The following ATP9B variants were observed in gnomAD, a reference collection of about 807,000 sequenced individuals.
ATP9B encodes probable phospholipid-transporting ATPase IIB.
Under a neutral mutation model 146.1 loss-of-function variants are expected in ATP9B, and 110 were observed. The ratio of observed to expected loss-of-function variants is 0.75; its 90% CI spans 0.65 to 0.88. ATP9B has a LOEUF of 0.88. Among genes scored for constraint, ATP9B ranks in the 40% least tolerant of loss-of-function variants. ATP9B has a pLI of 0.00. For synonymous variants in ATP9B, 604 were observed against 569.7 expected (o/e 1.06, Z -0.86); for missense variants, 1,499 against 1,496.4 (o/e 1.00, Z -0.03).
chr18:79,084,621 G>A (rs949477116), intron 1 of ATP9B, among the ~76,000 whole-genome samples: 8 of 152,010 alleles, frequency 5.3e-5, no homozygotes, highest in Admixed American at 3.3e-4. Flanking sequence ...CCACATTGGC[G>A]GTTGAAAACT....
intron 15 of ATP9B, among the ~76,000 whole-genome samples, chr18:79,320,973 A>T (rs2096712560): frequency 6.6e-6 from 1 of 152,210 alleles, no homozygotes; most frequent in South Asian, 2.1e-4. Flanking sequence ...TCTCTCAAAC[A>T]TCTTTAGGAA....
At chr18:79,306,576 G>A (rs1201377096) in intron 14 of ATP9B, among the ~76,000 whole-genome samples, 1 of 152,170 alleles carries the variant, frequency 6.6e-6, no homozygotes, top group Non-Finnish European at 1.5e-5. Context: ...CCTGCTTTTA[G>A]CTTTGTACAA....
At chr18:79,103,883 G>A (rs1226794494) in intron 2 of ATP9B, among the ~76,000 whole-genome samples, 1 of 152,056 alleles carries the variant, frequency 6.6e-6, no homozygotes, top group Admixed American at 6.5e-5. Flanking sequence ...GTTTGTAGGG[G>A]CAGAGAGTTG....
chr18:79,320,792 ACT>A (rs1286583447), intron 15 of ATP9B, among the ~76,000 whole-genome samples: 9 of 98,896 alleles, frequency 9.1e-5, no homozygotes, highest in East Asian at 1.7e-3. Context: ...ATACTAGGAA[ACT>A]CCGGGATGCT....
intron 7 of ATP9B, among the ~76,000 whole-genome samples, chr18:79,161,484 A>G (rs1281734650): frequency 6.6e-6 from 1 of 152,026 alleles, no homozygotes; most frequent in Non-Finnish European, 1.5e-5. Context: ...CTATGCTTCT[A>G]TTTTCATCCT....
In ATP9B at chr18:79,307,022, A is replaced by G. The variant is rs1366745205; in HGVS notation, c.1561A>G (p.Thr521Ala). Residue 521 changes from threonine (T) to alanine (A), a missense_variant, in exon 15 of 30, where the codon ACT becomes GCT. Transcript: ENST00000426216. ...SQAGGNNTGS[T>A]PLRKAQSSAP... is the part of the protein sequence containing the mutation. ...AGCTGGTGGAAACAATACTGGTTCA[A>G]CTCCACTAAGAAAAGCCCAATCTTC... The G allele has an allele frequency of 6.2e-7, 1 of 1,614,198 alleles. No individual in the cohort carries two copies.
chr18:79,345,368 C>A, intron 21 of ATP9B, 60 bp from the exon 22 acceptor site: 1 of 1,588,210 alleles, frequency 6.3e-7, no homozygotes, highest in Non-Finnish European at 8.6e-7. Flanking sequence ...TTCTACATTA[C>A]ACAAATCTGG....
At chr18:79,244,306 G>C (rs1027517309) in intron 11 of ATP9B, among the ~76,000 whole-genome samples, 1 of 152,076 alleles carries the variant, frequency 6.6e-6, no homozygotes, top group Non-Finnish European at 1.5e-5. Flanking sequence ...GGAAAGGAAT[G>C]GTCCCATCTA....
intron 8 of ATP9B, among the ~76,000 whole-genome samples, chr18:79,184,960 C>G (rs572935827): frequency 2.7e-5 from 4 of 146,420 alleles, no homozygotes; most frequent in African/African-American, 1.1e-4. Context: ...AATCAAAACA[C>G]TATATTAGAA....
At chr18:79,152,395 G>A (rs1337484705) in intron 6 of ATP9B, among the ~76,000 whole-genome samples, 1 of 152,108 alleles carries the variant, frequency 6.6e-6, no homozygotes, top group Non-Finnish European at 1.5e-5. Flanking sequence ...CAGTTTGTGG[G>A]CTTTTATGTA....
At chr18:79,167,175 G>A (rs1353061468) in intron 7 of ATP9B, among the ~76,000 whole-genome samples, 2 of 152,174 alleles carry the variant, frequency 1.3e-5, no homozygotes, top group African/African-American at 4.8e-5. Context: ...CTCATTGCTT[G>A]CAATAAGGCG....
chr18:79,159,089 T>C (rs2094838477), intron 7 of ATP9B, among the ~76,000 whole-genome samples: 1 of 152,252 alleles, frequency 6.6e-6, no homozygotes, highest in South Asian at 2.1e-4. Flanking sequence ...TTTTGGTTAC[T>C]GTTTGCACCT....
At chr18:79,309,960 G>C (rs1233639922) in intron 15 of ATP9B, among the ~76,000 whole-genome samples, 1 of 152,140 alleles carries the variant, frequency 6.6e-6, no homozygotes, top group Non-Finnish European at 1.5e-5. Flanking sequence ...AAAGTGTTAG[G>C]AATACTGATT....
chr18:79,220,462 G>A (rs908076020), intron 11 of ATP9B, among the ~76,000 whole-genome samples: 4 of 152,042 alleles, frequency 2.6e-5, no homozygotes, highest in Non-Finnish European at 4.4e-5. Context: ...TTCCCTGGGC[G>A]TGGTGGCATG....
intron 5 of ATP9B, among the ~76,000 whole-genome samples, chr18:79,139,697 T>C (rs2094491125): frequency 6.6e-6 from 1 of 152,162 alleles, no homozygotes; most frequent in Non-Finnish European, 1.5e-5. Flanking sequence ...CTTACACTCT[T>C]TTAGTTGTTT....
At chr18:79,119,724 C>A (rs1539897) in intron 4 of ATP9B, among the ~76,000 whole-genome samples, 13 of 152,100 alleles carry the variant, frequency 8.5e-5, no homozygotes, top group African/African-American at 3.1e-4. Flanking sequence ...GATTTTCTTT[C>A]GTTCCTTGGT....
intron 9 of ATP9B, among the ~76,000 whole-genome samples, chr18:79,197,532 G>A (rs985277623): frequency 2.0e-5 from 3 of 152,050 alleles, no homozygotes; most frequent in Non-Finnish European, 4.4e-5. Flanking sequence ...ATAAAAGGAG[G>A]TAAGTTTTTT....
chr18:79,268,464 A>C (rs1204811092), intron 12 of ATP9B, among the ~76,000 whole-genome samples: 1 of 151,922 alleles, frequency 6.6e-6, no homozygotes, highest in African/African-American at 2.4e-5. Context: ...TTGTAATGCA[A>C]CTTTTTTCTC....
chr18:79,250,666 G>C (rs2145004562), intron 11 of ATP9B, among the ~76,000 whole-genome samples: 1 of 152,346 alleles, frequency 6.6e-6, no homozygotes, highest in South Asian at 2.1e-4. Flanking sequence ...TATTTGTCCT[G>C]GTTGTGCTGC....
Sources: gnomAD v4.1 joint callset for allele counts (sites outside exome capture counted in the v4.1 genomes callset) on GRCh38, gnomAD v4.1.1 for gene constraint, MANE v1.5 for transcripts, NCBI Gene and HGNC (gene_info 2026-07-23, HGNC 2026-07-21) for gene names.